The following RSPRY1 variants were observed in gnomAD, a reference collection of about 807,000 sequenced individuals.
The protein encoded by RSPRY1 is ring finger and SPRY domain containing 1.
In RSPRY1, 23 loss-of-function variants were observed where a neutral mutation model predicts 73.1. The observed-to-expected ratio is 0.31, with a 90% CI of 0.23 to 0.45. The LOEUF is 0.45. Among genes scored for constraint, RSPRY1 ranks in the 20% least tolerant of loss-of-function variants. The probability of loss-of-function intolerance (pLI) is 1.00; values close to 1 mark genes in which losing one functional copy is unlikely to be tolerated. For synonymous variants in RSPRY1, 226 were observed against 251.4 expected (o/e 0.90, Z 0.95); for missense variants, 448 against 698.7 (o/e 0.64, Z 4.05).
chr16:57,238,141 C>T (rs567677990), intron 14 of RSPRY1, among the ~76,000 whole-genome samples: 3 of 151,950 alleles, frequency 2.0e-5, no homozygotes, highest in East Asian at 1.9e-4. Context: ...ATATGTAGAG[C>T]GTATATGAAG....
rs143229039 is a variant in RSPRY1, at chr16:57,195,914, C to T, written c.-155-8590C>T. 4.5e-3 allele frequency among the ~76,000 whole-genome samples: 671 copies of T among 150,348 alleles called. 5 individuals carry two copies. The highest frequency in any genetic ancestry group is 0.014 in the African/African-American group (577 of 40,882). The stretch of plus-strand genomic sequence containing the variant: ...GCACGCACCTGTAGTCCTGGCTACT[C>T]GGGAGGCTGAGGTAGGCGAATCACT... On this transcript the variant is annotated intron_variant, in intron 1 of 14. Transcript: ENST00000394420.
At chr16:57,206,576 T>C (rs903501770) in intron 2 of RSPRY1, among the ~76,000 whole-genome samples, 1 of 152,190 alleles carries the variant, frequency 6.6e-6, no homozygotes, top group Non-Finnish European at 1.5e-5. Context: ...TGTTTTGTTT[T>C]TAAAGAGACA....
chr16:57,238,751 T>A (rs968002594), intron 14 of RSPRY1, 128 bp from the exon 15 acceptor site: 27 of 529,788 alleles, frequency 5.1e-5, no homozygotes, highest in Non-Finnish European at 5.5e-5. Flanking sequence ...TCATTTTTTT[T>A]AAACCATGTA....
chr16:57,204,602 C>G lies in RSPRY1; in HGVS notation c.-57C>G. 2 of 1,499,738 alleles carry G rather than the reference C, an allele frequency of 1.3e-6. No individual in the cohort carries two copies. The highest frequency in any genetic ancestry group is 9.1e-7 in the Non-Finnish European group (1 of 1,093,566). 92.9% of individuals were successfully genotyped at this position (1,499,738 alleles called of 1,614,324 possible). On this transcript the variant is annotated 5_prime_UTR_variant, in exon 2 of 15. Transcript: ENST00000394420. ...TCAGTTGTTAAAAACAAATAGGATG[C>G]AAATTCCTCAACTCCAGGTTATGAA... is the stretch of plus-strand genomic sequence containing the variant.
chr16:57,208,302 CTTTTTTTTTT>C (rs34138044), intron 3 of RSPRY1, among the ~76,000 whole-genome samples, 192 bp downstream of exon 3: 1 of 79,202 alleles, frequency 1.3e-5, no homozygotes, highest in Non-Finnish European at 2.4e-5. Context: ...CATATTATAC[CTTTTTTTTTT>C]TTTTTTTTTT....
chr16:57,205,104 C>T (rs1217225528), intron 2 of RSPRY1, 96 bp downstream of exon 2: 2 of 858,656 alleles, frequency 2.3e-6, no homozygotes, highest in Non-Finnish European at 3.6e-6. Flanking sequence ...AGGACATACT[C>T]GCCAAGCCTT....
intron 1 of RSPRY1, among the ~76,000 whole-genome samples, chr16:57,202,148 C>A (rs993889161): frequency 6.6e-6 from 1 of 151,426 alleles, no homozygotes; most frequent in African/African-American, 2.4e-5. Context: ...TAGCAAGACC[C>A]CATCTCTAAA....
chr16:57,208,993 A>G (rs915229283), intron 3 of RSPRY1, 82 bp from the exon 4 acceptor site: 88 of 911,310 alleles, frequency 9.7e-5, no homozygotes, highest in Non-Finnish European at 1.4e-4. Context: ...TCTTTCTTTT[A>G]ATGTGAATTG....
chr16:57,196,802 A>G (rs528760344), intron 1 of RSPRY1, among the ~76,000 whole-genome samples: 1 of 152,246 alleles, frequency 6.6e-6, no homozygotes, highest in East Asian at 1.9e-4. Flanking sequence ...TTCTGATTAG[A>G]TATGTGCTCA....
At position 57,230,005 on chromosome 16, in the gene RSPRY1, CTTTTTTTT is replaced by C. The variant is rs544045998; in HGVS notation, c.1274-690_1274-683del. ...TAGGCATGAACCACCACGCCCTGCC[CTTTTTTTT>C]TTTTTTTTTTTTTTTGAGATGGATT... On this transcript the variant is annotated intron_variant, in intron 11 of 14. Transcript: ENST00000394420. Among the ~76,000 whole-genome samples the C allele has an allele frequency of 1.1e-4, 5 of 44,952 alleles. No individual in the cohort carries two copies. The East Asian group carries it at 3.7e-3, about 33-fold the overall frequency. 29.5% of individuals were successfully genotyped at this position (44,952 alleles called of 152,430 possible).
At chr16:57,224,024 C>T (rs1242480122) in intron 10 of RSPRY1, among the ~76,000 whole-genome samples, 2 of 152,170 alleles carry the variant, frequency 1.3e-5, no homozygotes, top group Non-Finnish European at 2.9e-5. Context: ...CATCTGCCTT[C>T]GAGAAAATGA....
upstream of RSPRY1, chr16:57,186,230 T>G (rs2146100024): frequency 1.1e-6 from 1 of 950,366 alleles, no homozygotes. Context: ...ACACGATTTT[T>G]GAAAGGTGAT....
intron 6 of RSPRY1, among the ~76,000 whole-genome samples, chr16:57,215,006 C>G (rs1368976313): frequency 1.3e-5 from 2 of 149,918 alleles, no homozygotes; most frequent in African/African-American, 4.9e-5. Context: ...CCAGCCTGGG[C>G]GACAGAGCGA....
intron 4 of RSPRY1, among the ~76,000 whole-genome samples, chr16:57,212,439 A>G (rs1297086728): frequency 6.6e-6 from 1 of 152,206 alleles, no homozygotes; most frequent in East Asian, 1.9e-4. Flanking sequence ...CTGTTTAGTG[A>G]TTCAAGAATA....
At chr16:57,233,122 CAG>C (rs1171032590) in intron 13 of RSPRY1, among the ~76,000 whole-genome samples, 1 of 152,200 alleles carries the variant, frequency 6.6e-6, no homozygotes, top group Non-Finnish European at 1.5e-5. Flanking sequence ...TTTCTGGCAT[CAG>C]GGTAGGAGCT....
intron 11 of RSPRY1, among the ~76,000 whole-genome samples, chr16:57,229,490 G>A (rs544722069): frequency 2.6e-5 from 4 of 151,646 alleles, no homozygotes; most frequent in Admixed American, 2.0e-4. Context: ...GTGGTGGCAC[G>A]TGCCTGTAGT....
intron 1 of RSPRY1, among the ~76,000 whole-genome samples, chr16:57,200,210 A>T (rs1179536630): frequency 6.8e-6 from 1 of 148,022 alleles, no homozygotes; most frequent in Non-Finnish European, 1.5e-5. Context: ...TTCAGAGAGC[A>T]CAGGGTTGGG....
At chr16:57,198,707 G>A (rs1292500434) in intron 1 of RSPRY1, among the ~76,000 whole-genome samples, 1 of 152,146 alleles carries the variant, frequency 6.6e-6, no homozygotes. Context: ...ATCATTGCCA[G>A]TTATTTTTAG....
At chr16:57,210,780 G>A (rs2074827254) in intron 4 of RSPRY1, among the ~76,000 whole-genome samples, 3 of 151,878 alleles carry the variant, frequency 2.0e-5, no homozygotes, top group Admixed American at 1.3e-4. Context: ...CACTTTGGGA[G>A]GCCAAAGCAG....
Sources: allele counts gnomAD v4.1 joint callset (sites outside exome capture counted in the v4.1 genomes callset), GRCh38; gene constraint gnomAD v4.1.1; transcripts MANE v1.5; gene names NCBI Gene and HGNC (gene_info 2026-07-23, HGNC 2026-07-21).